Variants in NIPAL1 observed in about 807,000 individuals in gnomAD.
NIPAL1 encodes the protein magnesium transporter NIPA3.
In NIPAL1, 35 loss-of-function variants were observed where a neutral mutation model predicts 37.7. The observed-to-expected ratio is 0.93, with a 90% CI of 0.71 to 1.23. The LOEUF (loss-of-function observed/expected upper bound fraction) is 1.23, where lower values mean the gene tolerates loss of function less well. Ranked by LOEUF, NIPAL1 falls within the 50% of genes most tolerant of loss-of-function variation. NIPAL1 has a pLI of 0.00. For synonymous variants in NIPAL1, 162 were observed against 183.0 expected (o/e 0.89, Z 0.93); for missense variants, 412 against 473.9 (o/e 0.87, Z 1.21).
intron 1 of NIPAL1, among the ~76,000 whole-genome samples, chr4:48,022,228 C>T (rs1267382356): frequency 6.6e-6 from 1 of 152,192 alleles, no homozygotes; most frequent in Non-Finnish European, 1.5e-5. Flanking sequence ...CTTCCCTTCT[C>T]CCGTAGGCCA....
At chr4:48,019,095 A>C (rs1345689584) in intron 1 of NIPAL1, among the ~76,000 whole-genome samples, 3 of 152,168 alleles carry the variant, frequency 2.0e-5, no homozygotes, top group Non-Finnish European at 2.9e-5. Flanking sequence ...ATTTCAGCTC[A>C]CTGCAACTTC....
In NIPAL1 at chr4:48,035,985, T is replaced by C. The variant is rs756437627; in HGVS notation, c.1046T>C (p.Ile349Thr). 1.2e-6 allele frequency: 2 copies of C among 1,613,620 alleles called. No individual in the cohort carries two copies. The highest frequency in any genetic ancestry group is 2.2e-5 in the South Asian group (2 of 91,030). The change falls in exon 6 of 6, where the codon ATT (isoleucine) becomes ACT (threonine). Residue 349 changes from isoleucine (I) to threonine (T), a missense_variant. Ile to Thr is a moderately conservative substitution (Grantham distance 89). Coordinates refer to ENST00000295461, the MANE Select transcript of NIPAL1 (RefSeq NM_207330.3). ...GTLSGFFTII[I>T]GIFLLHAFKN... is the part of the protein sequence containing the mutation. ...CTGAGTGGATTCTTCACTATTATCA[T>C]TGGCATCTTCCTTCTACATGCTTTT...
intron 1 of NIPAL1, among the ~76,000 whole-genome samples, chr4:48,017,355 G>A (rs1715448322): frequency 6.6e-6 from 1 of 152,206 alleles, no homozygotes; most frequent in African/African-American, 2.4e-5. Flanking sequence ...CCCGGGGATC[G>A]AGCACCGCGA....
chr4:48,029,817 A>G (rs1715781363), intron 2 of NIPAL1, among the ~76,000 whole-genome samples: 1 of 152,216 alleles, frequency 6.6e-6, no homozygotes, highest in Non-Finnish European at 1.5e-5. Context: ...AGAAATAATC[A>G]TTCCAGTGTT....
In NIPAL1 at chr4:48,036,605, G is replaced by T. The variant is rs1715951835; in HGVS notation, c.*433G>T. 1 of 165,436 alleles carries T rather than the reference G, an allele frequency of 6.0e-6. No individual in the cohort carries two copies. The highest frequency in any genetic ancestry group is 1.3e-5 in the Non-Finnish European group (1 of 77,932). 10.2% of individuals were successfully genotyped at this position (165,436 alleles called of 1,614,324 possible). ...TTCAAACTCAACAAGATTTCAGAAA[G>T]GTATAATCATGTAATTTCTCATATT... On this transcript the variant is annotated 3_prime_UTR_variant, in exon 6 of 6. Transcript: ENST00000295461.
intron 3 of NIPAL1, among the ~76,000 whole-genome samples, chr4:48,031,133 C>T (rs985893715): frequency 7.9e-5 from 12 of 151,988 alleles, no homozygotes; most frequent in African/African-American, 2.2e-4. Context: ...GGCAGGATCT[C>T]GGCCCACTGC....
chr4:48,031,569 A>T (rs1715820044), intron 3 of NIPAL1, among the ~76,000 whole-genome samples: 1 of 152,148 alleles, frequency 6.6e-6, no homozygotes, highest in South Asian at 2.1e-4. Context: ...TTCACCGTGT[A>T]AAAAAGTTTA....
chr4:48,026,603 A>G (rs1243102980), intron 2 of NIPAL1, among the ~76,000 whole-genome samples: 2 of 152,244 alleles, frequency 1.3e-5, no homozygotes, highest in African/African-American at 4.8e-5. Flanking sequence ...GAAAGGACAA[A>G]TCATTCAAAG....
intron 1 of NIPAL1, among the ~76,000 whole-genome samples, chr4:48,023,267 A>C (rs1405953746): frequency 1.3e-5 from 2 of 152,168 alleles, no homozygotes; most frequent in African/African-American, 4.8e-5. Context: ...TAAATGAAAT[A>C]ATAGTCATGA....
At chr4:48,035,126 A>T in intron 5 of NIPAL1, 85 bp downstream of exon 5, 3 of 1,132,780 alleles carry the variant, frequency 2.6e-6, no homozygotes, top group Non-Finnish European at 3.9e-6. Context: ...TATTGTAATA[A>T]GCTTTCTACA....
chr4:48,034,767 C>T (rs1307330200), intron 4 of NIPAL1, 114 bp from the exon 5 acceptor site: 8 of 730,872 alleles, frequency 1.1e-5, no homozygotes, highest in Non-Finnish European at 1.6e-5. Flanking sequence ...ATAGCATATT[C>T]CAGTCAGCTC....
intron 1 of NIPAL1, among the ~76,000 whole-genome samples, chr4:48,021,650 A>T (rs1715569803): frequency 1.3e-5 from 2 of 152,144 alleles, no homozygotes; most frequent in South Asian, 4.1e-4. Context: ...ACAGTGGGGA[A>T]AAAACAAATC....
chr4:48,030,286 T>C (rs1715792790), intron 3 of NIPAL1, 110 bp downstream of exon 3: 1 of 677,770 alleles, frequency 1.5e-6, no homozygotes, highest in African/African-American at 1.8e-5. Context: ...AAGGATGGAA[T>C]TTAAGTCTAA....
intron 2 of NIPAL1, among the ~76,000 whole-genome samples, chr4:48,029,873 A>G (rs1379544506): frequency 7.3e-6 from 1 of 137,186 alleles, no homozygotes; most frequent in African/African-American, 2.6e-5. Flanking sequence ...TTATATTTAT[A>G]ACAGAAACAC....
At chr4:48,033,913 A>G (rs1269965116) in intron 4 of NIPAL1, among the ~76,000 whole-genome samples, 3 of 152,336 alleles carry the variant, frequency 2.0e-5, no homozygotes, top group African/African-American at 7.2e-5. Context: ...CACTTCAAAC[A>G]CTTGTCTATG....
At position 48,026,759 on chromosome 4, in the gene NIPAL1, G is replaced by A. The variant is rs193146183; in HGVS notation, c.313+1425G>A. On this transcript the variant is annotated intron_variant, in intron 2 of 5. Coordinates refer to ENST00000295461, the MANE Select transcript of NIPAL1 (RefSeq NM_207330.3). ...TTTCAGACGGGGCTTTGCCCTGTCG[G>A]CCAGGCTGGAGTACAGTGGCATGAT... Among the ~76,000 whole-genome samples, 325 of 151,316 alleles carry A rather than the reference G, an allele frequency of 2.1e-3. 1 individual carries two copies. The Middle Eastern group carries it at 0.031, about 14-fold the overall frequency.
chr4:48,017,143 C>G (rs1026345718), intron 1 of NIPAL1, among the ~76,000 whole-genome samples: 1 of 152,236 alleles, frequency 6.6e-6, no homozygotes, highest in Non-Finnish European at 1.5e-5. Flanking sequence ...ATTCGCGAGG[C>G]CGACCAGTGT....
chr4:48,036,444 C>G lies in NIPAL1; in HGVS notation c.*272C>G, dbSNP rs1715948752. ...CTCAGAATAATCTCCTTCTTCTGGT[C>G]ACAGTATCTTTGTCTCTGCCAGGTG... On this transcript the variant is annotated 3_prime_UTR_variant, in exon 6 of 6. Transcript: ENST00000295461. The G allele has an allele frequency of 2.6e-6, 1 of 381,772 alleles. No individual in the cohort carries two copies. The highest frequency in any genetic ancestry group is 4.7e-6 in the Non-Finnish European group (1 of 213,486). The allele number at this position is 381,772 out of a possible 1,614,324, so 23.6% of individuals were successfully genotyped here. A position where few individuals can be genotyped will look rare whatever the true frequency, so the allele number is the denominator to read the frequency against.
Position 48,035,485 on chromosome 4 carries a change from T to G in NIPAL1, c.623-77T>G, listed in dbSNP as rs1040490220. On this transcript the variant is annotated intron_variant, in intron 5 of 5. Transcript: ENST00000295461. The stretch of plus-strand genomic sequence containing the variant: ...TTCTAAAATACCTATGCTCTTAAAC[T>G]CATGACTAACAAGATTTCAGAAAGG... The G allele has an allele frequency of 2.2e-6, 3 of 1,362,902 alleles. No homozygotes were observed. The Admixed American group carries it at 6.7e-5, about 30-fold the overall frequency. The allele number at this position is 1,362,902 out of a possible 1,614,324, so 84.4% of individuals were successfully genotyped here.
Sources: gnomAD v4.1 joint callset for allele counts (sites outside exome capture counted in the v4.1 genomes callset) on GRCh38, gnomAD v4.1.1 for gene constraint, MANE v1.5 for transcripts, NCBI Gene and HGNC (gene_info 2026-07-23, HGNC 2026-07-21) for gene names.